Variants in GUCY2C observed in about 807,000 individuals in gnomAD.
GUCY2C encodes guanylate cyclase 2C.
GUCY2C carries 118 observed loss-of-function variants against 131.1 expected under a neutral mutation model. That is an observed-to-expected ratio of 0.90 (90% CI 0.78 to 1.05). The LOEUF (loss-of-function observed/expected upper bound fraction) is 1.05. GUCY2C is among the 50% of genes least tolerant of loss of function. GUCY2C has a pLI of 0.00. For synonymous variants in GUCY2C, 452 were observed against 457.8 expected (o/e 0.99, Z 0.16); for missense variants, 1,161 against 1,304.4 (o/e 0.89, Z 1.69).
At chr12:14,679,864 A>C in intron 5 of GUCY2C, 111 bp from the exon 6 acceptor site, 4 of 621,626 alleles carry the variant, frequency 6.4e-6, no homozygotes, top group Middle Eastern at 5.2e-4. Context: ...AATTTTTTAA[A>C]GATAAACTCC....
rs141030029 is a variant in GUCY2C at position 14,641,254 on chromosome 12, G to C, written c.1931-35C>G. ...TAGACATTGAGATTACAAAGTTGAG[G>C]GGGGTGAGTGGTTCATAGGCCTCCA... is the stretch of plus-strand genomic sequence containing the variant. On this transcript the variant is annotated intron_variant, in intron 17 of 26. Coordinates refer to ENST00000261170, the MANE Select transcript of GUCY2C (RefSeq NM_004963.4). The C allele has an allele frequency of 1.0e-4, 162 of 1,608,936 alleles. No homozygotes were observed. In the East Asian group the frequency reaches 3.5e-3, roughly 35 times the overall value.
At chr12:14,621,315 G>A (rs10846030) in intron 22 of GUCY2C, 99 bp from the exon 23 acceptor site, 1 of 1,058,788 alleles carries the variant, frequency 9.4e-7, no homozygotes, top group Non-Finnish European at 1.4e-6. Flanking sequence ...AAGTGATTTG[G>A]GAACACAGTA....
At chr12:14,651,538 C>A (rs774610519) in intron 14 of GUCY2C, 27 bp from the exon 15 acceptor site, 1 of 1,234,448 alleles carries the variant, frequency 8.1e-7, no homozygotes. Flanking sequence ...GTTTACAAAG[C>A]AAATTAGGCA....
chr12:14,681,239 A>C (rs1285966293), intron 5 of GUCY2C, 117 bp downstream of exon 5: 1 of 849,834 alleles, frequency 1.2e-6, no homozygotes, highest in Non-Finnish European at 1.9e-6. Context: ...AATATACAAA[A>C]TATGTATGAG....
chr12:14,668,838 C>T (rs1317393680), intron 10 of GUCY2C, among the ~76,000 whole-genome samples: 4 of 151,928 alleles, frequency 2.6e-5, no homozygotes, highest in Non-Finnish European at 4.4e-5. Context: ...GCAGCTTGCA[C>T]GGGTGAAAGC....
At position 14,670,664 on chromosome 12, in the gene GUCY2C, C is replaced by T. The variant is rs1352790403; in HGVS notation, c.1171-831G>A. ...TATTCTCGTGGTAGTGAATAAGTCTCACGAGATCTGATGGTTTTATAAGAG... is the reference window on the plus strand; with the variant it reads ...TATTCTCGTGGTAGTGAATAAGTCTTACGAGATCTGATGGTTTTATAAGAG... On this transcript the variant is annotated intron_variant, in intron 9 of 26. Coordinates refer to ENST00000261170, the MANE Select transcript of GUCY2C (RefSeq NM_004963.4). Among the ~76,000 whole-genome samples, 3 of 151,760 alleles carry T rather than the reference C, an allele frequency of 2.0e-5. No individual in the cohort carries two copies. In the East Asian group the frequency reaches 6.0e-4, roughly 30 times the overall value.
At chr12:14,622,298 A>G in intron 21 of GUCY2C, 101 bp from the exon 22 acceptor site, 1 of 687,454 alleles carries the variant, frequency 1.5e-6, no homozygotes, top group Non-Finnish European at 2.3e-6. Context: ...CAAGAATTCT[A>G]GAATTTGAGA....
chr12:14,661,600 G>A (rs151270063), intron 10 of GUCY2C, among the ~76,000 whole-genome samples: 12 of 151,818 alleles, frequency 7.9e-5, no homozygotes, highest in South Asian at 2.1e-4. Context: ...CACCATGCCC[G>A]GATAATTTTT....
chr12:14,657,789 G>T (rs1443662365), intron 11 of GUCY2C, among the ~76,000 whole-genome samples: 1 of 152,076 alleles, frequency 6.6e-6, no homozygotes, highest in African/African-American at 2.4e-5. Context: ...CATGAAACCA[G>T]TCCCTGGTGT....
At position 14,624,183 on chromosome 12, in the gene GUCY2C, G is replaced by A. The variant is rs145425752; in HGVS notation, c.2408+1574C>T. ...TGGCCAGGCACAGTGGCTCACACCTGTAATCCCAGCACTTTGGGAGGCCGA... is the reference window on the plus strand; with the variant it reads ...TGGCCAGGCACAGTGGCTCACACCTATAATCCCAGCACTTTGGGAGGCCGA... On this transcript the variant is annotated intron_variant, in intron 21 of 26. Transcript: ENST00000261170. 8.8e-3 allele frequency among the ~76,000 whole-genome samples: 1,339 copies of A among 152,266 alleles called. 18 individuals are homozygous for A. The highest frequency in any genetic ancestry group is 0.031 in the African/African-American group (1,284 of 41,550).
At chr12:14,616,020 C>T (rs558794036) in intron 25 of GUCY2C, among the ~76,000 whole-genome samples, 1 of 152,264 alleles carries the variant, frequency 6.6e-6, no homozygotes, top group African/African-American at 2.4e-5. Flanking sequence ...CATGAAGAAT[C>T]TGGAATAGCG....
At chr12:14,685,141 T>C (rs1565635819) in intron 3 of GUCY2C, among the ~76,000 whole-genome samples, 1 of 152,234 alleles carries the variant, frequency 6.6e-6, no homozygotes, top group Non-Finnish European at 1.5e-5. Context: ...GTAGAAGGTC[T>C]TCATAAATGG....
chr12:14,628,594 AT>A, intron 20 of GUCY2C, 51 bp downstream of exon 20: 4 of 986,904 alleles, frequency 4.1e-6, no homozygotes, highest in South Asian at 1.3e-5. Flanking sequence ...GTCAACTATA[AT>A]TTTTTTAAAA....
At chr12:14,669,872 A>C (rs112826773) in intron 9 of GUCY2C, 39 bp from the exon 10 acceptor site, 11 of 802,014 alleles carry the variant, frequency 1.4e-5, no homozygotes, top group African/African-American at 7.0e-5. Context: ...ATGAACAGTA[A>C]AACATTATAG....
rs1263620502 is a variant in GUCY2C at position 14,614,908 on chromosome 12, C to T, written c.3006G>A (p.Gly1002=). 6 of 1,584,180 alleles carry T rather than the reference C, an allele frequency of 3.8e-6. No homozygotes were observed. In the Middle Eastern group the frequency reaches 1.0e-3, roughly 265 times the overall value. ...GCAGGTTGAATTTCTGGTCCTTCAT[C>T]CCAGTCAGCCAGTAGGTAGTCTCAT... The part of the protein sequence containing the change: ...RGNETTYWLT[G]MKDQKFNLPT... The change falls in exon 26 of 27, where the codon GGG becomes GGA. Residue 1002 remains glycine, a synonymous_variant. Transcript: ENST00000261170.
intron 21 of GUCY2C, among the ~76,000 whole-genome samples, chr12:14,624,525 C>G (rs1946965260): frequency 6.6e-6 from 1 of 152,090 alleles, no homozygotes; most frequent in African/African-American, 2.4e-5. Flanking sequence ...CCAAGGGGTA[C>G]TATTCAAATA....
chr12:14,625,748 T>G lies in GUCY2C; in HGVS notation c.2408+9A>C. ...ATTTCAGCCTCCACATCAGCAAGGC[T>G]TGCCTTACCTTGGAAGCAACATAAA... is the stretch of plus-strand genomic sequence containing the variant. On this transcript the variant is annotated intron_variant, in intron 21 of 26. Transcript: ENST00000261170. The G allele has an allele frequency of 6.2e-7, 1 of 1,613,356 alleles. No individual in the cohort carries two copies. The highest frequency in any genetic ancestry group is 2.2e-5 in the East Asian group (1 of 44,854).
rs11056093 is a variant in GUCY2C at position 14,676,547 on chromosome 12, C to G, written c.948+307G>C. ...CTATTTTAAGTGTAAGATTGACCCT[C>G]AATAGCAGGGCTTCTTCCTGTCTTT... On this transcript the variant is annotated intron_variant, in intron 7 of 26. Coordinates refer to ENST00000261170, the MANE Select transcript of GUCY2C (RefSeq NM_004963.4). Among the ~76,000 whole-genome samples the G allele has an allele frequency of 9.9e-4, 151 of 152,330 alleles. 2 individuals carry two copies. The East Asian group carries it at 0.015, about 15-fold the overall frequency.
At chr12:14,682,901 T>C (rs888533367) in intron 4 of GUCY2C, 141 bp downstream of exon 4, 2 of 614,840 alleles carry the variant, frequency 3.3e-6, no homozygotes, top group Non-Finnish European at 5.8e-6. Flanking sequence ...TGCTTTTATT[T>C]ATGTGTGAGA....
Sources: gnomAD v4.1 joint callset for allele counts (sites outside exome capture counted in the v4.1 genomes callset) on GRCh38, gnomAD v4.1.1 for gene constraint, MANE v1.5 for transcripts, NCBI Gene and HGNC (gene_info 2026-07-23, HGNC 2026-07-21) for gene names.